Variants in ATAD2B observed in about 807,000 individuals in gnomAD.
ATAD2B encodes ATPase family AAA domain-containing protein 2B.
In ATAD2B, 40 loss-of-function variants were observed where a neutral mutation model predicts 167.6. The ratio of observed to expected loss-of-function variants is 0.24; its 90% CI spans 0.19 to 0.31. ATAD2B has a LOEUF of 0.31. Ranked by LOEUF, ATAD2B falls within the 10% of genes least tolerant of loss-of-function variation. The probability of loss-of-function intolerance (pLI) is 1.00; values close to 1 mark genes in which losing one functional copy is unlikely to be tolerated. For missense variants in ATAD2B, 1,242 were observed against 1,757.2 expected (o/e 0.71, Z 5.24); for synonymous variants, 579 against 596.5 (o/e 0.97, Z 0.43).
At chr2:23,711,117 G>A in the ATAD2B span, among the ~76,000 whole-genome samples, 127 of 152,148 alleles carry the variant, frequency 8.3e-4, no homozygotes, top group African/African-American at 2.9e-3. Flanking sequence ...CATATATAAA[G>A]ATATATAAGA....
chr2:23,843,633 T>C (rs557429299), intron 13 of ATAD2B, among the ~76,000 whole-genome samples: 4 of 152,168 alleles, frequency 2.6e-5, no homozygotes, highest in South Asian at 4.2e-4. Context: ...AGGAGACTGC[T>C]CCACAGAAAG....
At position 23,927,017 on chromosome 2, in the gene ATAD2B, GC is replaced by G. The variant is rs1353429642; in HGVS notation, c.-248del. On this transcript the variant is annotated 5_prime_UTR_variant, in exon 1 of 28. Coordinates refer to ENST00000238789, the MANE Select transcript of ATAD2B (RefSeq NM_017552.4). ...GCAGCACAGACACTCCGCCGGCTTC[GC>G]CCTCCTCAGCGGGAGCCGAGCGGAG... 2.1e-6 allele frequency: 1 copy of G among 485,864 alleles called. No individual in the cohort carries two copies. The highest frequency in any genetic ancestry group is 2.0e-5 in the African/African-American group (1 of 48,838). The allele number at this position is 485,864 out of a possible 1,614,324, so 30.1% of individuals were successfully genotyped here. A position where few individuals can be genotyped will look rare whatever the true frequency, so the allele number is the denominator to read the frequency against.
the ATAD2B span, among the ~76,000 whole-genome samples, chr2:23,693,909 G>A: frequency 6.6e-6 from 1 of 152,226 alleles, no homozygotes; most frequent in Admixed American, 6.5e-5. Context: ...CAGGAAGAGG[G>A]AGAGTGAGGT....
At chr2:23,725,620 C>G in the ATAD2B span, among the ~76,000 whole-genome samples, 3 of 151,960 alleles carry the variant, frequency 2.0e-5, no homozygotes, top group African/African-American at 7.3e-5. Flanking sequence ...AGAGAAATCC[C>G]TAAAAGCTAT....
rs74333222 is a variant in ATAD2B, at chr2:23,759,094, A to G, written c.3395-993T>C. On this transcript the variant is annotated intron_variant, in intron 24 of 27. Coordinates refer to ENST00000238789, the MANE Select transcript of ATAD2B (RefSeq NM_017552.4). The stretch of plus-strand genomic sequence containing the variant: ...AATACAGTTAAGTGTTCTTCAGAAC[A>G]CTTAAATACAAAAATTATTAAAGCA... 4.7e-3 allele frequency among the ~76,000 whole-genome samples: 723 copies of G among 152,328 alleles called. 16 individuals are homozygous for G. Among genetic ancestry groups the G allele is most frequent in the East Asian group, 0.027 (141 of 5,192 alleles).
chr2:23,741,822 T>C, the ATAD2B span, among the ~76,000 whole-genome samples: 25 of 152,264 alleles, frequency 1.6e-4, no homozygotes, highest in Non-Finnish European at 3.4e-4. Context: ...AGGGCTAATA[T>C]TCAGAATCTA....
At chr2:23,834,166 T>C in intron 13 of ATAD2B, 88 bp from the exon 14 acceptor site, 1 of 926,404 alleles carries the variant, frequency 1.1e-6, no homozygotes, top group Non-Finnish European at 1.5e-6. Flanking sequence ...TTTTTTTTTT[T>C]TTTTTTTTTT....
At position 23,834,112 on chromosome 2, in the gene ATAD2B, T is replaced by C. The variant is rs755808441; in HGVS notation, c.1569-34A>G. On this transcript the variant is annotated intron_variant, in intron 13 of 27. Transcript: ENST00000238789. ...TAATTTTCAGGCAAAATTAAAAGAA[T>C]TGTAAACACTGCTGCTTACAATAAC... 28 of 1,333,456 alleles carry C rather than the reference T, an allele frequency of 2.1e-5. 1 individual carries two copies. The highest frequency in any genetic ancestry group is 2.8e-5 in the South Asian group (2 of 71,130). The allele number at this position is 1,333,456 out of a possible 1,614,324, so 82.6% of individuals were successfully genotyped here.
At chr2:23,711,342 CTTTTTTTTTTTTTTTTTTT>C in the ATAD2B span, among the ~76,000 whole-genome samples, 1,587 of 79,630 alleles carry the variant, frequency 0.02, 22 homozygotes, top group African/African-American at 0.075. Flanking sequence ...GAATTTCTTT[CTTTTTTTTTTTTTTTTTTT>C]TTTTTTTTTT....
intron 2 of ATAD2B, among the ~76,000 whole-genome samples, chr2:23,895,309 G>A (rs966200761): frequency 2.0e-5 from 3 of 151,950 alleles, no homozygotes; most frequent in Non-Finnish European, 4.4e-5. Context: ...CAGTTTCAGA[G>A]TAAATGTCGG....
chr2:23,919,845 C>CA (rs369120454), intron 1 of ATAD2B, among the ~76,000 whole-genome samples: 21,344 of 91,746 alleles, frequency 0.23, 1,725 homozygotes, highest in Middle Eastern at 0.4. Context: ...AACTCTGTTT[C>CA]AAAAAAAAAA....
chr2:23,907,750 T>C (rs1045713198), intron 1 of ATAD2B, among the ~76,000 whole-genome samples: 4 of 152,184 alleles, frequency 2.6e-5, no homozygotes, highest in African/African-American at 9.7e-5. Context: ...ATTACAAGGC[T>C]ACAGTAACCA....
Position 23,754,751 on chromosome 2 carries a change from G to T in ATAD2B, c.4102C>A (p.Arg1368Ser). 6.2e-7 allele frequency: 1 copy of T among 1,611,996 alleles called. No individual in the cohort carries two copies. The highest frequency in any genetic ancestry group is 1.1e-5 in the South Asian group (1 of 90,904). The stretch of plus-strand genomic sequence containing the variant: ...TTTGCCTGCTCTAAAATTAATTTAC[G>T]GTATTTCTTTACTTTAGAAGCACCT... ...KEGASKVKKY[R>S]KLILEQAKTT... is the part of the protein sequence containing the mutation. The change falls in exon 26 of 28, where the codon CGT (arginine) becomes AGT (serine). Residue 1368 changes from arginine (R) to serine (S), a missense_variant. Transcript: ENST00000238789.
intron 18 of ATAD2B, among the ~76,000 whole-genome samples, chr2:23,806,428 T>C (rs1684397468): frequency 6.6e-6 from 1 of 152,210 alleles, no homozygotes; most frequent in South Asian, 2.1e-4. Context: ...TTCTGTTCTA[T>C]TACTTTGTCT....
At chr2:23,849,204 C>G (rs553365052) in intron 13 of ATAD2B, among the ~76,000 whole-genome samples, 5 of 152,090 alleles carry the variant, frequency 3.3e-5, no homozygotes, top group Admixed American at 3.3e-4. Context: ...AAATAAGACC[C>G]AACTTTATAT....
chr2:23,844,370 A>G (rs1691404683), intron 13 of ATAD2B, among the ~76,000 whole-genome samples: 1 of 152,130 alleles, frequency 6.6e-6, no homozygotes. Flanking sequence ...CATAGCTAGC[A>G]CTCAACAAGG....
chr2:23,906,197 C>T (rs912693282), intron 1 of ATAD2B, among the ~76,000 whole-genome samples: 7 of 151,696 alleles, frequency 4.6e-5, no homozygotes, highest in Non-Finnish European at 8.8e-5. Context: ...AAAAATTGGC[C>T]GGGTTTGGTG....
chr2:23,825,335 A>G (rs747232400), intron 15 of ATAD2B, among the ~76,000 whole-genome samples: 15 of 152,146 alleles, frequency 9.9e-5, no homozygotes, highest in Non-Finnish European at 1.6e-4. Flanking sequence ...ATTCAAAGTT[A>G]GGGAAAAACT....
chr2:23,710,392 A>G, the ATAD2B span, among the ~76,000 whole-genome samples: 3 of 152,354 alleles, frequency 2.0e-5, no homozygotes, highest in South Asian at 6.2e-4. Flanking sequence ...CTACTAAATT[A>G]GCTCCCCAAA....
Sources: allele counts gnomAD v4.1 joint callset (sites outside exome capture counted in the v4.1 genomes callset), GRCh38; gene constraint gnomAD v4.1.1; transcripts MANE v1.5; gene names NCBI Gene and HGNC (gene_info 2026-07-23, HGNC 2026-07-21).